The following THPO variants were observed in gnomAD, a reference collection of about 807,000 sequenced individuals.
THPO encodes the protein thrombopoietin.
THPO carries 12 observed loss-of-function variants against 17.0 expected under a neutral mutation model. The observed-to-expected ratio is 0.71, with a 90% CI of 0.45 to 1.14. THPO has a LOEUF of 1.14. Ranked by LOEUF, THPO falls within the 50% of genes most tolerant of loss-of-function variation. The probability of loss-of-function intolerance (pLI) is 0.00; values close to 1 mark genes in which losing one functional copy is unlikely to be tolerated. For missense variants in THPO, 365 were observed against 427.5 expected (o/e 0.85, Z 1.29); for synonymous variants, 188 against 183.0 (o/e 1.03, Z -0.22).
chr3:184,375,645 G>C, intron 3 of THPO, 44 bp from the exon 4 acceptor site: 2 of 1,599,224 alleles, frequency 1.3e-6, no homozygotes, highest in Non-Finnish European at 1.7e-6. Flanking sequence ...CTGAAATAGA[G>C]AGAGCTATGG....
rs561365995 is a variant in THPO, at chr3:184,375,726, T to C, written c.142-125A>G. On this transcript the variant is annotated intron_variant, in intron 3 of 5. Transcript: ENST00000647395. Reference sequence around the variant, plus strand: ...GAGAGCTTTTAAATGCGGGCTGTATTGTGAAGAATAATCCTTGTCAGAGAG... The same window carrying C: ...GAGAGCTTTTAAATGCGGGCTGTATCGTGAAGAATAATCCTTGTCAGAGAG... The C allele has an allele frequency of 3.4e-6, 5 of 1,464,856 alleles. No individual in the cohort carries two copies. In the South Asian group the frequency reaches 5.8e-5, roughly 17 times the overall value. The allele number at this position is 1,464,856 out of a possible 1,614,324, so 90.7% of individuals were successfully genotyped here. A position where few individuals can be genotyped will look rare whatever the true frequency, so the allele number is the denominator to read the frequency against.
chr3:184,376,471 C>G (rs1714410920), intron 1 of THPO, 67 bp from the exon 2 acceptor site: 2 of 1,438,406 alleles, frequency 1.4e-6, no homozygotes, highest in Non-Finnish European at 1.8e-6. Context: ...GCAGGGTGAA[C>G]AGATGCTGGG....
upstream of THPO, among the ~76,000 whole-genome samples, chr3:184,379,589 A>G (rs1291841205): frequency 6.6e-6 from 1 of 151,844 alleles, no homozygotes; most frequent in Non-Finnish European, 1.5e-5. Flanking sequence ...CGGCTGATGG[A>G]CCTTTCCTGT....
Position 184,372,394 on chromosome 3 carries a change from A to G in THPO, c.*119T>C, listed in dbSNP as rs375028991. On this transcript the variant is annotated 3_prime_UTR_variant, in exon 6 of 6. Transcript: ENST00000647395. ...CTTTTCAGTCCTGTGTATCCCTTTTACCAGGGCTTTGGGTTTCAGGAGAAA... is the reference window on the plus strand; with the variant it reads ...CTTTTCAGTCCTGTGTATCCCTTTTGCCAGGGCTTTGGGTTTCAGGAGAAA... 4.0e-6 allele frequency: 5 copies of G among 1,257,746 alleles called. No homozygotes were observed. Among genetic ancestry groups the G allele is most frequent in the Non-Finnish European group, 5.8e-6 (5 of 860,866 alleles). The allele number at this position is 1,257,746 out of a possible 1,614,324, so 77.9% of individuals were successfully genotyped here.
upstream of THPO, chr3:184,378,945 T>G: frequency 2.5e-6 from 2 of 809,772 alleles, no homozygotes; most frequent in Non-Finnish European, 3.0e-6. Flanking sequence ...CCCCCGCAAA[T>G]ACCTCCCTGC....
rs759569299 is a variant in THPO at position 184,372,767 on chromosome 3, C to T, written c.808G>A (p.Gly270Arg). 1.1e-5 allele frequency: 17 copies of T among 1,613,980 alleles called. No homozygotes were observed. In the East Asian group the frequency reaches 1.6e-4, roughly 15 times the overall value. ...GTTCCTGAGGAAATGTCCGGGGCTCCTAGGGTCCTGCGTGAGGGTCCAGGA... is the reference window on the plus strand; with the variant it reads ...GTTCCTGAGGAAATGTCCGGGGCTCTTAGGGTCCTGCGTGAGGGTCCAGGA... ...LFPGPSRRTL[G>R]APDISSGTSD... is the part of the protein sequence containing the mutation. Residue 270 changes from glycine (G) to arginine (R), a missense_variant, in exon 6 of 6, where the codon GGA becomes AGA. Gly to Arg is a moderately radical substitution (Grantham distance 125). Coordinates refer to ENST00000647395, the MANE Select transcript of THPO (RefSeq NM_000460.4).
In THPO at chr3:184,376,286, G is replaced by C. The variant is rs965341143; in HGVS notation, c.-27C>G. ...CTGGCCGGGGTGTCTGGCTGGCGTG[G>C]CTCCCTGTTTGGGGCCTCTCCCCTG... On this transcript the variant is annotated 5_prime_UTR_variant, in exon 2 of 6. Transcript: ENST00000647395. 7 of 1,614,066 alleles carry C rather than the reference G, an allele frequency of 4.3e-6. No individual in the cohort carries two copies. Among genetic ancestry groups the C allele is most frequent in the African/African-American group, 4.0e-5 (3 of 74,922 alleles).
chr3:184,379,223 G>C (rs1714765377), upstream of THPO, among the ~76,000 whole-genome samples: 1 of 152,160 alleles, frequency 6.6e-6, no homozygotes, highest in Non-Finnish European at 1.5e-5. Context: ...TGGGATAGCT[G>C]GGAGGATAGT....
upstream of THPO, chr3:184,378,795 G>C (rs535683131): frequency 1.5e-5 from 15 of 985,328 alleles, no homozygotes; most frequent in Middle Eastern, 2.1e-3. Flanking sequence ...GGCTTAGATG[G>C]CTACACACAC....
rs1224651166 is a variant in THPO at position 184,372,902 on chromosome 3, A to G, written c.673T>C (p.Phe225Leu). 1 of 1,613,832 alleles carries G rather than the reference A, an allele frequency of 6.2e-7. No individual in the cohort carries two copies. ...GSGLLKWQQG[F>L]RAKIPGLLNQ... ...AGCAGACCAGGAATCTTGGCTCTGA[A>G]TCCCTGCTGCCACTTCAGAAGCCCA... The change falls in exon 6 of 6, where the codon TTC (phenylalanine) becomes CTC (leucine). Residue 225 changes from phenylalanine to leucine, a missense_variant. Coordinates refer to ENST00000647395, the MANE Select transcript of THPO (RefSeq NM_000460.4).
intron 4 of THPO, 87 bp downstream of exon 4, chr3:184,375,428 G>C: frequency 2.2e-6 from 3 of 1,390,532 alleles, no homozygotes; most frequent in Non-Finnish European, 3.1e-6. Context: ...TTTTTAAAAA[G>C]CTCAAGAATG....
rs1208713706 is a variant in THPO at position 184,375,524 on chromosome 3, T to A, written c.219A>T (p.Lys73Asn). Reference sequence around the variant, plus strand: ...GGGATGGCTTTCTTACCATCTGGGTTTTCCATTCTCCCAAGCTAAAGTCCA... The same window carrying A: ...GGGATGGCTTTCTTACCATCTGGGTATTCCATTCTCCCAAGCTAAAGTCCA... ...PAVDFSLGEWKTQMEETKAQD... is the reference protein window; with the variant it reads ...PAVDFSLGEWNTQMEETKAQD... The change falls in exon 4 of 6, where the codon AAA becomes AAT. Residue 73 changes from lysine to asparagine, a missense_variant. By Grantham distance (94) the Lys-to-Asn change is moderately conservative. Coordinates refer to ENST00000647395, the MANE Select transcript of THPO (RefSeq NM_000460.4). The A allele has an allele frequency of 1.9e-6, 3 of 1,614,126 alleles. No individual in the cohort carries two copies. Among genetic ancestry groups the A allele is most frequent in the Non-Finnish European group, 1.7e-6 (2 of 1,180,014 alleles).
rs56151775 is a variant in THPO, at chr3:184,375,716, C to T, written c.142-115G>A. The T allele has an allele frequency of 9.6e-3, 13,990 of 1,455,190 alleles. 89 individuals carry two copies. The highest frequency in any genetic ancestry group is 0.011 in the Non-Finnish European group (11,960 of 1,040,530). The allele number at this position is 1,455,190 out of a possible 1,614,324, so 90.1% of individuals were successfully genotyped here. A position where few individuals can be genotyped will look rare whatever the true frequency, so the allele number is the denominator to read the frequency against. ...ATCTCTAGACGAGAGCTTTTAAATG[C>T]GGGCTGTATTGTGAAGAATAATCCT... On this transcript the variant is annotated intron_variant, in intron 3 of 5. Coordinates refer to ENST00000647395, the MANE Select transcript of THPO (RefSeq NM_000460.4).
At chr3:184,375,865 G>A in intron 3 of THPO, 23 bp downstream of exon 3, 1 of 1,612,682 alleles carries the variant, frequency 6.2e-7, no homozygotes, top group Non-Finnish European at 8.5e-7. Flanking sequence ...GCGGATAAAG[G>A]GGATAATGTT....
rs749011920 is a variant in THPO, at chr3:184,372,835, A to T, written c.740T>A (p.Leu247Gln). Residue 247 changes from leucine to glutamine, a missense_variant, in exon 6 of 6, where the codon CTG (leucine) becomes CAG (glutamine). Physicochemically the swap from Leu to Gln is moderately radical, Grantham distance 113. Transcript: ENST00000647395. ...SRSLDQIPGY[L>Q]NRIHELLNGT... is the part of the protein sequence containing the mutation. ...ATTCAAGAGTTCGTGTATCCTGTTCAGGTATCCGGGGATTTGGTCCAGGGA... is the reference window on the plus strand; with the variant it reads ...ATTCAAGAGTTCGTGTATCCTGTTCTGGTATCCGGGGATTTGGTCCAGGGA... 6.2e-7 allele frequency: 1 copy of T among 1,614,052 alleles called. No individual in the cohort carries two copies. The highest frequency in any genetic ancestry group is 8.5e-7 in the Non-Finnish European group (1 of 1,180,026).
chr3:184,375,477 G>A, intron 4 of THPO, 38 bp downstream of exon 4: 1 of 1,592,830 alleles, frequency 6.3e-7, no homozygotes, highest in Non-Finnish European at 8.6e-7. Context: ...ACTGAAGACA[G>A]GACTTAGGGA....
intron 4 of THPO, among the ~76,000 whole-genome samples, chr3:184,374,317 A>C (rs13091574): frequency 0.08 from 12,182 of 152,234 alleles, 575 homozygotes; most frequent in East Asian, 0.16. Context: ...AGGGACCCAT[A>C]GGAACTGCCC....
intron 4 of THPO, 132 bp from the exon 5 acceptor site, chr3:184,373,714 G>T: frequency 1.9e-6 from 2 of 1,051,414 alleles, no homozygotes; most frequent in Non-Finnish European, 2.8e-6. Flanking sequence ...TCCCACCCAG[G>T]GCAGGAATTC....
intron 1 of THPO, among the ~76,000 whole-genome samples, chr3:184,377,172 G>GGTGGGGA (rs1272926878): frequency 5.9e-4 from 90 of 152,078 alleles, no homozygotes; most frequent in Non-Finnish European, 9.9e-4. Flanking sequence ...TAACTTCTGC[G>GGTGGGGA]GTGGGGAGTG....
Sources: gnomAD v4.1 joint callset for allele counts (sites outside exome capture counted in the v4.1 genomes callset) on GRCh38, gnomAD v4.1.1 for gene constraint, MANE v1.5 for transcripts, NCBI Gene and HGNC (gene_info 2026-07-23, HGNC 2026-07-21) for gene names.